The following KLHL28 variants were observed in gnomAD, a reference collection of about 807,000 sequenced individuals.
KLHL28 encodes kelch-like protein 28.
Under a neutral mutation model 48.3 loss-of-function variants are expected in KLHL28, and 22 were observed. That is an observed-to-expected ratio of 0.46 (90% confidence interval 0.33 to 0.65). The LOEUF (loss-of-function observed/expected upper bound fraction) is 0.65. KLHL28 is among the 30% of genes least tolerant of loss of function. The pLI is 0.03. For missense variants in KLHL28, 527 were observed against 704.3 expected (o/e 0.75, Z 2.85); for synonymous variants, 243 against 242.4 (o/e 1.00, Z -0.02).
intron 2 of KLHL28, 39 bp from the exon 3 acceptor site, chr14:44,934,597 A>T: frequency 7.0e-7 from 1 of 1,432,220 alleles, no homozygotes. Flanking sequence ...TTTAAAAACC[A>T]AAGTGGCCCA....
intron 1 of KLHL28, chr14:44,961,085 T>C (rs539791316): frequency 6.7e-6 from 3 of 449,800 alleles, no homozygotes; most frequent in African/African-American, 6.0e-5. Context: ...CGTTTAAGTA[T>C]CACTTATGAG....
intron 1 of KLHL28, among the ~76,000 whole-genome samples, chr14:44,946,217 T>C (rs1479284639): frequency 2.0e-5 from 3 of 152,168 alleles, no homozygotes; most frequent in Non-Finnish European, 4.4e-5. Flanking sequence ...GATCAAAACT[T>C]TACCAACTTT....
intron 2 of KLHL28, among the ~76,000 whole-genome samples, chr14:44,941,452 A>G (rs1037786650): frequency 6.6e-5 from 10 of 151,864 alleles, no homozygotes; most frequent in African/African-American, 2.2e-4. Context: ...AGCATGGAGA[A>G]ACCCTGTCTC....
intron 2 of KLHL28, among the ~76,000 whole-genome samples, chr14:44,939,728 T>G (rs1173255864): frequency 6.6e-6 from 1 of 151,618 alleles, no homozygotes; most frequent in African/African-American, 2.4e-5. Flanking sequence ...TCATGCCCAC[T>G]TAAGTTATCT....
At chr14:44,940,665 G>C (rs1184014524) in intron 2 of KLHL28, among the ~76,000 whole-genome samples, 1 of 152,118 alleles carries the variant, frequency 6.6e-6, no homozygotes, top group Non-Finnish European at 1.5e-5. Context: ...CCCCCCGCCA[G>C]CCAGTAAACC....
chr14:44,943,089 G>T (rs1464572889), intron 2 of KLHL28, among the ~76,000 whole-genome samples: 1 of 151,964 alleles, frequency 6.6e-6, no homozygotes, highest in Non-Finnish European at 1.5e-5. Flanking sequence ...TATGATAAAA[G>T]ATTACTATGT....
intron 4 of KLHL28, among the ~76,000 whole-genome samples, chr14:44,929,635 C>T (rs946913556): frequency 6.6e-6 from 1 of 152,054 alleles, no homozygotes; most frequent in Admixed American, 6.6e-5. Flanking sequence ...ATATATATCT[C>T]CTGTGGGTAT....
At position 44,934,184 on chromosome 14, in the gene KLHL28, CAACTTCTTGTT is replaced by C. The variant is rs748603133; in HGVS notation, c.1263_1273del (p.Thr422PhefsTer28). Reference sequence around the variant, plus strand: ...TCCATCCAATACCGCTGCAGCAAAACAACTTCTTGTTGTCGTCATTGGTGCCACAGGTTGCC... The same window carrying C: ...TCCATCCAATACCGCTGCAGCAAAACGTCGTCATTGGTGCCACAGGTTGCC... On this transcript the variant is annotated frameshift_variant, in exon 3 of 5. Coordinates refer to ENST00000396128, the MANE Select transcript of KLHL28 (RefSeq NM_017658.5). LOFTEE classifies it high-confidence loss of function. 6.2e-7 allele frequency: 1 copy of C among 1,614,186 alleles called. No individual in the cohort carries two copies. The highest frequency in any genetic ancestry group is 1.1e-5 in the South Asian group (1 of 91,084).
At chr14:44,941,202 A>T (rs1322714470) in intron 2 of KLHL28, among the ~76,000 whole-genome samples, 1 of 152,166 alleles carries the variant, frequency 6.6e-6, no homozygotes, top group Non-Finnish European at 1.5e-5. Context: ...GCTATCAGTT[A>T]CTGCCTTAAC....
intron 2 of KLHL28, among the ~76,000 whole-genome samples, chr14:44,935,905 T>TATATATATATA (rs1233257500): frequency 1.1e-4 from 14 of 123,676 alleles, no homozygotes; most frequent in Non-Finnish European, 2.0e-4. Flanking sequence ...TATATATATC[T>TATATATATATA]TTACCCTCCC....
At chr14:44,958,923 A>T (rs1231864507) in intron 1 of KLHL28, among the ~76,000 whole-genome samples, 1 of 152,076 alleles carries the variant, frequency 6.6e-6, no homozygotes, top group Admixed American at 6.5e-5. Context: ...ACTCATATAC[A>T]TCAAGAAAAC....
intron 1 of KLHL28, among the ~76,000 whole-genome samples, chr14:44,946,346 C>T (rs1403413969): frequency 6.6e-6 from 1 of 152,126 alleles, no homozygotes; most frequent in Non-Finnish European, 1.5e-5. Context: ...ACACTATTTG[C>T]CAACCAACAG....
rs1883338152 is a variant in KLHL28 at position 44,925,200 on chromosome 14, T to G, written c.*3828A>C. ...CACAAGTTTACTGAACTTTAAGCAG[T>G]AAGTGTTTATTGTAGAATCTGATTT... On this transcript the variant is annotated 3_prime_UTR_variant, in exon 5 of 5. Transcript: ENST00000396128. 2 of 152,174 alleles carry G rather than the reference T, an allele frequency of 1.3e-5. No individual in the cohort carries two copies. The highest frequency in any genetic ancestry group is 4.8e-5 in the African/African-American group (2 of 41,462). 9.4% of individuals were successfully genotyped at this position (152,174 alleles called of 1,614,324 possible). A position where few individuals can be genotyped will look rare whatever the true frequency, so the allele number is the denominator to read the frequency against.
intron 2 of KLHL28, among the ~76,000 whole-genome samples, chr14:44,943,815 A>C (rs1010048375): frequency 1.3e-5 from 2 of 151,794 alleles, no homozygotes; most frequent in African/African-American, 4.8e-5. Flanking sequence ...CCTGGGCCTA[A>C]GCAATCCTCT....
intron 1 of KLHL28, among the ~76,000 whole-genome samples, chr14:44,946,992 C>T (rs1884366469): frequency 6.6e-6 from 1 of 152,154 alleles, no homozygotes; most frequent in Non-Finnish European, 1.5e-5. Context: ...ACAATAAAGA[C>T]TATGGTAGGC....
chr14:44,935,353 G>T (rs774374174), intron 2 of KLHL28, among the ~76,000 whole-genome samples: 6 of 152,166 alleles, frequency 3.9e-5, no homozygotes, highest in Non-Finnish European at 5.9e-5. Flanking sequence ...TCTGTTTCTT[G>T]AACTGGTTTG....
rs2138573571 is a variant in KLHL28, at chr14:44,928,209, T to A, written c.*819A>T. 6.6e-6 allele frequency: 1 copy of A among 152,362 alleles called. No individual in the cohort carries two copies. Among genetic ancestry groups the A allele is most frequent in the Non-Finnish European group, 1.5e-5 (1 of 68,002 alleles). 9.4% of individuals were successfully genotyped at this position (152,362 alleles called of 1,614,324 possible). A position where few individuals can be genotyped will look rare whatever the true frequency, so the allele number is the denominator to read the frequency against. ...CACTAAGAATGGTACTAAACACTGC[T>A]CAAATATTTACATCAGCACTGGGAG... On this transcript the variant is annotated 3_prime_UTR_variant, in exon 5 of 5. Coordinates refer to ENST00000396128, the MANE Select transcript of KLHL28 (RefSeq NM_017658.5).
At chr14:44,929,517 G>A (rs912332540) in intron 4 of KLHL28, among the ~76,000 whole-genome samples, 17 of 152,064 alleles carry the variant, frequency 1.1e-4, no homozygotes, top group African/African-American at 1.9e-4. Flanking sequence ...CTCTTACTGC[G>A]CCTAATTTAC....
rs1883322302 is a variant in KLHL28, at chr14:44,924,708, T to A, written c.*4320A>T. 4 of 152,728 alleles carry A rather than the reference T, an allele frequency of 2.6e-5. No individual in the cohort carries two copies. The highest frequency in any genetic ancestry group is 4.4e-5 in the Non-Finnish European group (3 of 67,998). The allele number at this position is 152,728 out of a possible 1,614,324, so 9.5% of individuals were successfully genotyped here. ...CAAAAATATAGGCATTATCATCCAG[T>A]TCTTTAACTTCACTTGTATTTTAAG... is the stretch of plus-strand genomic sequence containing the variant. On this transcript the variant is annotated 3_prime_UTR_variant, in exon 5 of 5. Coordinates refer to ENST00000396128, the MANE Select transcript of KLHL28 (RefSeq NM_017658.5).
Sources: gnomAD v4.1 joint callset for allele counts (sites outside exome capture counted in the v4.1 genomes callset) on GRCh38, gnomAD v4.1.1 for gene constraint, MANE v1.5 for transcripts, NCBI Gene and HGNC (gene_info 2026-07-23, HGNC 2026-07-21) for gene names.